The following STAT4 variants were observed in gnomAD, a reference collection of about 807,000 sequenced individuals.
STAT4 encodes the protein signal transducer and activator of transcription 4.
A neutral mutation model predicts 110.5 loss-of-function variants in STAT4; 42 were observed. That is an observed-to-expected ratio of 0.38 (90% CI 0.30 to 0.49). The LOEUF (loss-of-function observed/expected upper bound fraction) is 0.49, where lower values mean the gene tolerates loss of function less well. Ranked by LOEUF, STAT4 falls within the 20% of genes least tolerant of loss-of-function variation. The probability of loss-of-function intolerance (pLI) is 0.95; values close to 1 mark genes in which losing one functional copy is unlikely to be tolerated. For synonymous variants in STAT4, 284 were observed against 302.2 expected (o/e 0.94, Z 0.63); for missense variants, 632 against 887.9 (o/e 0.71, Z 3.66).
At chr2:191,133,775 T>A (rs1027546939) in intron 3 of STAT4, among the ~76,000 whole-genome samples, 1 of 151,768 alleles carries the variant, frequency 6.6e-6, no homozygotes, top group African/African-American at 2.4e-5. Flanking sequence ...TCAGAAATCA[T>A]GCTTCTAGAT....
At chr2:191,106,677 T>TAAAAC (rs1280949847) in intron 3 of STAT4, among the ~76,000 whole-genome samples, 2 of 149,820 alleles carry the variant, frequency 1.3e-5, no homozygotes, top group East Asian at 3.9e-4. Flanking sequence ...TAAAATAAAA[T>TAAAAC]AAAATAAAAT....
chr2:191,033,880 A>C lies in STAT4; in HGVS notation c.1715+31T>G, dbSNP rs1417012597. 9.2e-6 allele frequency: 14 copies of C among 1,514,684 alleles called. No individual in the cohort carries two copies. The highest frequency in any genetic ancestry group is 1.3e-5 in the Non-Finnish European group (14 of 1,110,880). The allele number at this position is 1,514,684 out of a possible 1,614,324, so 93.8% of individuals were successfully genotyped here. On this transcript the variant is annotated intron_variant, in intron 19 of 23. Transcript: ENST00000392320. The surrounding 1 kb of genome is among the most constrained non-coding windows in gnomAD (Gnocchi z 6.9). ...ACAACAGAAAAAAAGAACATAATTA[A>C]CTCATATGAAAAATATAGCCTATAA...
intron 3 of STAT4, among the ~76,000 whole-genome samples, chr2:191,139,319 C>T (rs1189901942): frequency 6.6e-6 from 1 of 152,150 alleles, no homozygotes; most frequent in Non-Finnish European, 1.5e-5. Flanking sequence ...TCACTGTTTG[C>T]TGATGATATA....
chr2:191,080,554 T>C (rs1047097968), intron 3 of STAT4, among the ~76,000 whole-genome samples: 5 of 152,146 alleles, frequency 3.3e-5, no homozygotes, highest in African/African-American at 1.2e-4. Flanking sequence ...AGTAGAAGGT[T>C]TCAGACAAGA....
At chr2:191,067,860 G>C (rs1161372681) in intron 6 of STAT4, among the ~76,000 whole-genome samples, 1 of 152,120 alleles carries the variant, frequency 6.6e-6, no homozygotes, top group African/African-American at 2.4e-5. Context: ...ATGGGGGCTG[G>C]GAATGCTGAT....
chr2:191,041,580 A>T (rs917233323), intron 14 of STAT4: 13 of 152,258 alleles, frequency 8.5e-5, no homozygotes, highest in African/African-American at 3.1e-4. Flanking sequence ...CTGGTTTAAC[A>T]TGGTAGGTGG....
At position 191,037,219 on chromosome 2, in the gene STAT4, A is replaced by T. The variant is rs1696069034; in HGVS notation, c.1435-920T>A. Among the ~76,000 whole-genome samples, 1 of 152,238 alleles carries T rather than the reference A, an allele frequency of 6.6e-6. No individual in the cohort carries two copies. The highest frequency in any genetic ancestry group is 1.5e-5 in the Non-Finnish European group (1 of 68,042). ...ATCATCCCAAAGTGCTAGAAATGGT[A>T]AAGTCCCAGGCTAGGGAAGGTGACC... is the stretch of plus-strand genomic sequence containing the variant. On this transcript the variant is annotated intron_variant, in intron 16 of 23. Coordinates refer to ENST00000392320, the MANE Select transcript of STAT4 (RefSeq NM_003151.4). This position sits in a 1 kb window ranked among gnomAD's most constrained non-coding sequence, Gnocchi z 4.8.
intron 3 of STAT4, among the ~76,000 whole-genome samples, chr2:191,078,054 C>G (rs1480570037): frequency 6.6e-6 from 1 of 151,420 alleles, no homozygotes; most frequent in East Asian, 1.9e-4. Context: ...CCAAGAAAAG[C>G]TATGTTTTCT....
At position 191,031,494 on chromosome 2, in the gene STAT4, A is replaced by G; in HGVS notation, c.2067T>C (p.Gly689=). 6.2e-7 allele frequency: 1 copy of G among 1,613,336 alleles called. No homozygotes were observed. Among genetic ancestry groups the G allele is most frequent in the Non-Finnish European group, 8.5e-7 (1 of 1,179,630 alleles). ...PCEVSRPTER[G]DKGYVPSVFI... ...AAACAGAAGGAACATAACCTTTGTC[A>G]CCCCTTTCTGTTGGTCTTGAAACTG... The change falls in exon 22 of 24, where the codon GGT becomes GGC. Residue 689 remains glycine (G), a synonymous_variant. Coordinates refer to ENST00000392320, the MANE Select transcript of STAT4 (RefSeq NM_003151.4). The surrounding 1 kb of genome is among the most constrained non-coding windows in gnomAD (Gnocchi z 4.8).
intron 6 of STAT4, chr2:191,068,518 T>C (rs1574726068): frequency 6.6e-6 from 1 of 152,162 alleles, no homozygotes; most frequent in African/African-American, 2.4e-5. Flanking sequence ...GTATGAAAAG[T>C]TAAATGTTTG....
chr2:191,052,327 T>C (rs1452890336), intron 14 of STAT4, among the ~76,000 whole-genome samples: 4 of 152,164 alleles, frequency 2.6e-5, no homozygotes, highest in Admixed American at 2.6e-4. Flanking sequence ...CTAGGAGTCA[T>C]ACTAAAATTC....
chr2:191,058,885 C>T lies in STAT4; in HGVS notation c.1035-116G>A, dbSNP rs1485541708. 3.8e-5 allele frequency: 23 copies of T among 608,992 alleles called. No homozygotes were observed. In the East Asian group the frequency reaches 6.9e-4, roughly 18 times the overall value. 37.7% of individuals were successfully genotyped at this position (608,992 alleles called of 1,614,324 possible). ...GAAATATGCATATAAATAAACCTTA[C>T]ATTATCTACAGTTATATGTTAGTGT... On this transcript the variant is annotated intron_variant, in intron 10 of 23. Transcript: ENST00000392320. This position sits in a 1 kb window ranked among gnomAD's most constrained non-coding sequence, Gnocchi z 4.3.
rs1322490002 is a variant in STAT4, at chr2:191,110,326, A to G, written c.274-34001T>C. On this transcript the variant is annotated intron_variant, in intron 3 of 23. Coordinates refer to ENST00000392320, the MANE Select transcript of STAT4 (RefSeq NM_003151.4). The surrounding 1 kb of genome is among the most constrained non-coding windows in gnomAD (Gnocchi z 4.5). ...GCATATGAAAGTTCCCAGGGAGGCT[A>G]AAGTCTTCAAAATAAGGGACATGGG... 6.6e-6 allele frequency among the ~76,000 whole-genome samples: 1 copy of G among 152,208 alleles called. No individual in the cohort carries two copies. Among genetic ancestry groups the G allele is most frequent in the Non-Finnish European group, 1.5e-5 (1 of 68,034 alleles).
At chr2:191,070,942 T>C (rs923892031) in intron 5 of STAT4, among the ~76,000 whole-genome samples, 5 of 152,186 alleles carry the variant, frequency 3.3e-5, no homozygotes, top group African/African-American at 1.2e-4. Context: ...AAACAGTGCC[T>C]GGTACCAAAT....
At position 191,076,731 on chromosome 2, in the gene STAT4, C is replaced by T. The variant is rs3024923; in HGVS notation, c.274-406G>A. 3.4e-3 allele frequency among the ~76,000 whole-genome samples: 520 copies of T among 151,700 alleles called. 3 individuals carry two copies. Among genetic ancestry groups the T allele is most frequent in the Admixed American group, 5.8e-3 (88 of 15,220 alleles). ...TAGAATCTCAGCTCACCACAACCTC[C>T]ACCTCCCGGGTTCAAGTGATTCTCC... is the stretch of plus-strand genomic sequence containing the variant. On this transcript the variant is annotated intron_variant, in intron 3 of 23. Coordinates refer to ENST00000392320, the MANE Select transcript of STAT4 (RefSeq NM_003151.4).
At position 191,146,103 on chromosome 2, in the gene STAT4, T is replaced by C. The variant is rs898745100; in HGVS notation, c.273+510A>G. Reference sequence around the variant, plus strand: ...AATATACTAAATGCCACAGTATCGATGTGTTCTGGTGCTGAGGAAACACAC... The same window carrying C: ...AATATACTAAATGCCACAGTATCGACGTGTTCTGGTGCTGAGGAAACACAC... On this transcript the variant is annotated intron_variant, in intron 3 of 23. Coordinates refer to ENST00000392320, the MANE Select transcript of STAT4 (RefSeq NM_003151.4). The surrounding 1 kb of genome is among the most constrained non-coding windows in gnomAD (Gnocchi z 4.5). Among the ~76,000 whole-genome samples, 4 of 152,224 alleles carry C rather than the reference T, an allele frequency of 2.6e-5. No individual in the cohort carries two copies. Among genetic ancestry groups the C allele is most frequent in the African/African-American group, 4.8e-5 (2 of 41,460 alleles).
chr2:191,051,016 C>A lies in STAT4; in HGVS notation c.1251+3474G>T, dbSNP rs751037576. Among the ~76,000 whole-genome samples the A allele has an allele frequency of 8.5e-5, 13 of 152,150 alleles. No homozygotes were observed. The highest frequency in any genetic ancestry group is 3.1e-4 in the African/African-American group (13 of 41,488). ...CTTACAACCAAAAAGTAGAATGGAG[C>A]GACCCAAAATTGTGTGTGTGCGTGT... On this transcript the variant is annotated intron_variant, in intron 14 of 23. Coordinates refer to ENST00000392320, the MANE Select transcript of STAT4 (RefSeq NM_003151.4). The surrounding 1 kb of genome is among the most constrained non-coding windows in gnomAD (Gnocchi z 5.6).
chr2:191,122,032 A>T (rs1232544436), intron 3 of STAT4: 3 of 152,088 alleles, frequency 2.0e-5, no homozygotes, highest in Non-Finnish European at 2.9e-5. Context: ...ATGACACACA[A>T]ATTTGTAAAG....
chr2:191,088,193 C>T (rs1418622159), intron 3 of STAT4, among the ~76,000 whole-genome samples: 1 of 152,130 alleles, frequency 6.6e-6, no homozygotes, highest in Non-Finnish European at 1.5e-5. Flanking sequence ...AAAAAGCCTC[C>T]TGGAACTAAT....
Sources: allele counts gnomAD v4.1 joint callset (sites outside exome capture counted in the v4.1 genomes callset), GRCh38; gene constraint gnomAD v4.1.1; non-coding constraint Gnocchi (gnomAD v3.1); transcripts MANE v1.5; gene names NCBI Gene and HGNC (gene_info 2026-07-23, HGNC 2026-07-21).